MCM3AP: variants seen among roughly 807,000 people sequenced by gnomAD.
The protein encoded by MCM3AP is minichromosome maintenance complex component 3 associated protein, also known as germinal-center associated nuclear protein.
A neutral mutation model predicts 184.1 loss-of-function variants in MCM3AP; 126 were observed. The ratio of observed to expected loss-of-function variants is 0.68; its 90% CI spans 0.59 to 0.79. MCM3AP has a LOEUF of 0.79. Among genes scored for constraint, MCM3AP ranks in the 30% least tolerant of loss-of-function variants. MCM3AP has a pLI of 0.00. For synonymous variants in MCM3AP, 1,002 were observed against 979.3 expected, an observed-to-expected ratio of 1.02 and a Z score of -0.43; for missense variants, 2,496 against 2,479.2, an observed-to-expected ratio of 1.01 and a Z score of -0.14.
At chr21:46,278,223 T>C (rs543612249) in intron 4 of MCM3AP, among the ~76,000 whole-genome samples, 1 of 152,100 alleles carries the variant, frequency 6.6e-6, no homozygotes, top group Non-Finnish European at 1.5e-5. Context: ...CTGATTTCTA[T>C]TTCAAAGAAA....
At chr21:46,251,881 C>CTTGTTTTTTTT (rs2080876154) in intron 19 of MCM3AP, 199 bp from the exon 20 acceptor site, 2 of 125,222 alleles carry the variant, frequency 1.6e-5, no homozygotes, top group East Asian at 1.8e-4. Context: ...TGTACTCGTT[C>CTTGTTTTTTTT]TTTTTTTTTT....
chr21:46,261,975 A>G (rs553873459), intron 13 of MCM3AP, among the ~76,000 whole-genome samples: 1 of 152,340 alleles, frequency 6.6e-6, no homozygotes, highest in East Asian at 1.9e-4. Flanking sequence ...TAATACAAAT[A>G]TTCCAAAATC....
Position 46,273,534 on chromosome 21 carries a change from C to G in MCM3AP, c.2050G>C (p.Glu684Gln). Residue 684 changes from glutamate (E) to glutamine (Q), a missense_variant, in exon 7 of 28, where the codon GAG (glutamate) becomes CAG (glutamine). By Grantham distance (29) the Glu-to-Gln change is conservative. Coordinates refer to ENST00000291688, the MANE Select transcript of MCM3AP (RefSeq NM_003906.5). ...KEYSRSSADQ[E>Q]EPLPHELRPL... ...CGCAGCTCGTGGGGCAGGGGCTCCTCCTGATCCGCCGAGGACCGACTGTAC... is the reference window on the plus strand; with the variant it reads ...CGCAGCTCGTGGGGCAGGGGCTCCTGCTGATCCGCCGAGGACCGACTGTAC... 6.2e-7 allele frequency: 1 copy of G among 1,613,898 alleles called. No homozygotes were observed. Among genetic ancestry groups the G allele is most frequent in the Non-Finnish European group, 8.5e-7 (1 of 1,179,866 alleles).
In MCM3AP at chr21:46,243,718, G is replaced by C; in HGVS notation, c.5043C>G (p.Pro1681=). ...CAACCATGGAGCACACGGGGAGCCA[G>C]GGGGCTGGGGAGAAAGTGCCTCATT... ...PQMDLPPLGA[P]WLPVCSMVVQ... The change falls in exon 24 of 28, where the codon CCC becomes CCG. Residue 1681 remains proline, a synonymous_variant. Transcript: ENST00000291688. The C allele has an allele frequency of 1.9e-6, 3 of 1,613,438 alleles. No homozygotes were observed. Among genetic ancestry groups the C allele is most frequent in the Middle Eastern group, 1.7e-4 (1 of 6,056 alleles).
intron 25 of MCM3AP, chr21:46,241,341 C>A (rs747178112): frequency 4.2e-6 from 1 of 239,410 alleles, no homozygotes; most frequent in Non-Finnish European, 8.2e-6. Flanking sequence ...TCATGTCTTG[C>A]TTCCCACCCT....
chr21:46,254,560 G>A, intron 18 of MCM3AP, 34 bp from the exon 19 acceptor site: 1 of 1,612,756 alleles, frequency 6.2e-7, no homozygotes, highest in Non-Finnish European at 8.5e-7. Flanking sequence ...ATTAGCCAGT[G>A]TGTGAGACCC....
rs184019419 is a variant in MCM3AP, at chr21:46,246,656, C to T, written c.4521G>A (p.Gly1507=). 3.7e-6 allele frequency: 6 copies of T among 1,611,024 alleles called. No homozygotes were observed. The South Asian group carries it at 5.5e-5, about 15-fold the overall frequency. The change falls in exon 21 of 28, where the codon GGG becomes GGA. Residue 1507 remains glycine, a synonymous_variant. Coordinates refer to ENST00000291688, the MANE Select transcript of MCM3AP (RefSeq NM_003906.5). ...PLVVLVPSPG[G]DAVEKEVEDG... Reference sequence around the variant, plus strand: ...CTTCTACTTCCTTCTCAACGGCGTCCCCTCCTGGGCTAGGCACAAGAACCA... The same window carrying T: ...CTTCTACTTCCTTCTCAACGGCGTCTCCTCCTGGGCTAGGCACAAGAACCA...
At chr21:46,242,985 CAAA>C (rs56371413) in intron 24 of MCM3AP, 54 bp from the exon 25 acceptor site, 923 of 1,016,288 alleles carry the variant, frequency 9.1e-4, no homozygotes, top group South Asian at 1.5e-3. Flanking sequence ...AACCCTGTCT[CAAA>C]AAAAAAAAAA....
At chr21:46,254,666 G>C in intron 18 of MCM3AP, 110 bp downstream of exon 18, 1 of 1,417,400 alleles carries the variant, frequency 7.1e-7, no homozygotes, top group Non-Finnish European at 9.9e-7. Context: ...ACCAAGTCTG[G>C]AGCTCATCGA....
chr21:46,272,415 A>C, intron 8 of MCM3AP, 146 bp downstream of exon 8: 1 of 850,766 alleles, frequency 1.2e-6, no homozygotes, highest in Non-Finnish European at 1.8e-6. Flanking sequence ...CTGCAAAGCC[A>C]GACCAAGGTC....
intron 27 of MCM3AP, 104 bp downstream of exon 27, chr21:46,236,725 G>A (rs1244238267): frequency 1.4e-5 from 11 of 779,794 alleles, no homozygotes; most frequent in Admixed American, 2.9e-5. Flanking sequence ...TAATTTGTCG[G>A]TCATCAAAAC....
Position 46,275,242 on chromosome 21 carries a change from T to A in MCM3AP, c.1942A>T (p.Met648Leu). The A allele has an allele frequency of 6.2e-7, 1 of 1,614,150 alleles. No homozygotes were observed. The highest frequency in any genetic ancestry group is 8.5e-7 in the Non-Finnish European group (1 of 1,180,010). The change falls in exon 6 of 28, where the codon ATG becomes TTG. Residue 648 changes from methionine to leucine, a missense_variant. Transcript: ENST00000291688. Reference protein sequence around the residue: ...LDMCPEKERYMRETRSQLSVF... With the variant: ...LDMCPEKERYLRETRSQLSVF... The stretch of plus-strand genomic sequence containing the variant: ...CTCAGCTGGCTACGGGTCTCCCGCA[T>A]GTACCTCTCCTTCTCAGGACACATA...
chr21:46,274,894 G>A (rs1481850372), intron 6 of MCM3AP, among the ~76,000 whole-genome samples: 1 of 143,872 alleles, frequency 7.0e-6, no homozygotes, highest in African/African-American at 2.6e-5. Context: ...AGCCATGATT[G>A]GACCACTGCA....
At chr21:46,262,169 C>T (rs1183000201) in intron 13 of MCM3AP, among the ~76,000 whole-genome samples, 1 of 152,080 alleles carries the variant, frequency 6.6e-6, no homozygotes, top group African/African-American at 2.4e-5. Flanking sequence ...AAGGAGACTT[C>T]CAAACAAAGA....
intron 19 of MCM3AP, 165 bp downstream of exon 19, chr21:46,254,227 C>T (rs1052465867): frequency 2.8e-6 from 2 of 718,340 alleles, no homozygotes; most frequent in Non-Finnish European, 4.5e-6. Flanking sequence ...TCTAAAGTTT[C>T]AACTTAAAAT....
intron 12 of MCM3AP, among the ~76,000 whole-genome samples, chr21:46,264,779 A>C (rs921611821): frequency 2.1e-5 from 2 of 96,090 alleles, no homozygotes; most frequent in South Asian, 8.3e-4. Context: ...GGCCACGCCT[A>C]TCAGGGGGCA....
At chr21:46,278,725 G>A (rs1436496896) in intron 4 of MCM3AP, among the ~76,000 whole-genome samples, 2 of 151,788 alleles carry the variant, frequency 1.3e-5, no homozygotes, top group Non-Finnish European at 1.5e-5. Context: ...CCAGTCTGGA[G>A]TGCAGTGGCG....
chr21:46,259,118 G>A (rs754371245), intron 15 of MCM3AP, 27 bp from the exon 16 acceptor site: 1 of 1,587,986 alleles, frequency 6.3e-7, no homozygotes, highest in African/African-American at 1.4e-5. Flanking sequence ...CAGCATGGAA[G>A]ACACTGCACT....
intron 10 of MCM3AP, 21 bp downstream of exon 10, chr21:46,266,961 A>C: frequency 6.2e-7 from 1 of 1,613,536 alleles, no homozygotes; most frequent in Non-Finnish European, 8.5e-7. Context: ...GGGGCCCCAC[A>C]GTTCCATTCT....
Sources: allele counts gnomAD v4.1 joint callset (sites outside exome capture counted in the v4.1 genomes callset), GRCh38; gene constraint gnomAD v4.1.1; transcripts MANE v1.5; gene names NCBI Gene and HGNC (gene_info 2026-07-23, HGNC 2026-07-21).